The following PTPRQ variants were observed in gnomAD, a reference collection of about 807,000 sequenced individuals.
PTPRQ encodes the protein protein tyrosine phosphatase receptor type Q.
Under a neutral mutation model 246.0 loss-of-function variants are expected in PTPRQ, and 199 were observed. The observed-to-expected ratio is 0.81, with a 90% confidence interval of 0.72 to 0.91. The LOEUF (loss-of-function observed/expected upper bound fraction) is 0.91. Among genes scored for constraint, PTPRQ ranks in the 40% least tolerant of loss-of-function variants. PTPRQ has a pLI of 0.00. For missense variants in PTPRQ, 2,624 were observed against 2,528.4 expected, an observed-to-expected ratio of 1.04 and a Z score of -0.81; for synonymous variants, 869 against 853.2, an observed-to-expected ratio of 1.02 and a Z score of -0.32.
chr12:80,566,314 C>T (rs994790870), intron 25 of PTPRQ, among the ~76,000 whole-genome samples: 11 of 151,912 alleles, frequency 7.2e-5, no homozygotes, highest in African/African-American at 1.9e-4. Context: ...CCCGTCTCTA[C>T]TAAAAATACA....
chr12:80,652,716 T>C, intron 37 of PTPRQ, 28 bp from the exon 38 acceptor site: 2 of 1,479,518 alleles, frequency 1.4e-6, no homozygotes, highest in Admixed American at 2.8e-5. Flanking sequence ...CTGATAAATG[T>C]AAACTTTGTA....
At chr12:80,475,626 A>T (rs1893786266) in intron 8 of PTPRQ, among the ~76,000 whole-genome samples, 1 of 151,992 alleles carries the variant, frequency 6.6e-6, no homozygotes, top group East Asian at 1.9e-4. Context: ...AATGCTGTTG[A>T]CTCCATTTCC....
At chr12:80,648,479 T>C (rs1298624968) in intron 35 of PTPRQ, among the ~76,000 whole-genome samples, 1 of 152,132 alleles carries the variant, frequency 6.6e-6, no homozygotes, top group African/African-American at 2.4e-5. Flanking sequence ...CAATGTGATG[T>C]CATGTTTCAT....
intron 39 of PTPRQ, among the ~76,000 whole-genome samples, chr12:80,659,282 AT>A (rs1177783722): frequency 6.6e-6 from 1 of 152,126 alleles, no homozygotes; most frequent in Non-Finnish European, 1.5e-5. Flanking sequence ...AAATGTAAAC[AT>A]TTTGGTGAAA....
intron 22 of PTPRQ, 69 bp downstream of exon 22, chr12:80,542,433 C>G (rs1246846235): frequency 3.4e-6 from 5 of 1,492,036 alleles, no homozygotes; most frequent in African/African-American, 1.4e-5. Flanking sequence ...TTTTAAGGAA[C>G]AGCATGGAAT....
intron 17 of PTPRQ, among the ~76,000 whole-genome samples, chr12:80,521,156 C>T (rs1239930921): frequency 6.6e-6 from 1 of 152,112 alleles, no homozygotes. Flanking sequence ...GCATAAATGT[C>T]TTCTTTTCAG....
chr12:80,523,392 C>T (rs1360786256), intron 17 of PTPRQ, among the ~76,000 whole-genome samples: 4 of 152,038 alleles, frequency 2.6e-5, no homozygotes, highest in Non-Finnish European at 5.9e-5. Flanking sequence ...TTAGTTATTT[C>T]TTGCTTTCTG....
intron 8 of PTPRQ, among the ~76,000 whole-genome samples, chr12:80,481,802 GGAATCCAACTTACAAGGGATGTGAAGGAC>G: frequency 1.3e-5 from 2 of 151,950 alleles, no homozygotes; most frequent in African/African-American, 4.8e-5. Flanking sequence ...AAAATACCTA[GGAATCCAACTTACAAGGGATGTGAAGGAC>G]GTCTTCAAGG....
chr12:80,453,481 C>T (rs1265401916), intron 3 of PTPRQ, among the ~76,000 whole-genome samples: 1 of 149,750 alleles, frequency 6.7e-6, no homozygotes, highest in Non-Finnish European at 1.5e-5. Context: ...TCTGTTTTTT[C>T]CCCATCTTTG....
chr12:80,566,991 A>T (rs1896998572), intron 25 of PTPRQ, among the ~76,000 whole-genome samples: 1 of 152,234 alleles, frequency 6.6e-6, no homozygotes, highest in African/African-American at 2.4e-5. Context: ...TATCAAAGAA[A>T]TGGTTAACTG....
chr12:80,648,789 C>T (rs868603356), intron 35 of PTPRQ, 108 bp from the exon 36 acceptor site: 1 of 999,546 alleles, frequency 1.0e-6, no homozygotes, highest in Middle Eastern at 2.7e-4. Flanking sequence ...AGGCATAGCA[C>T]ATTTTACATT....
rs1256856879 is a variant in PTPRQ at position 80,588,150 on chromosome 12, T to C, written c.4307T>C (p.Ile1436Thr). ...PETVPSVPTN[I>T]AFSDVQSTSA... is the part of the protein sequence containing the mutation. ...TTAGTTCCCAGTGTTCCCACAAATA[T>C]TGCTTTTTCTGATGTTCAGTCAACT... is the stretch of plus-strand genomic sequence containing the variant. Residue 1436 changes from isoleucine (I) to threonine (T), a missense_variant, in exon 26 of 45, where the codon ATT becomes ACT. Transcript: ENST00000644991. 3 of 1,532,234 alleles carry C rather than the reference T, an allele frequency of 2.0e-6. No homozygotes were observed. Among genetic ancestry groups the C allele is most frequent in the Non-Finnish European group, 1.8e-6 (2 of 1,136,982 alleles). The allele number at this position is 1,532,234 out of a possible 1,614,324, so 94.9% of individuals were successfully genotyped here. A position where few individuals can be genotyped will look rare whatever the true frequency, so the allele number is the denominator to read the frequency against.
rs199966793 is a variant in PTPRQ, at chr12:80,671,411, ACAGTAGCTGTCTT to A, written c.6602+922_6602+934del. The stretch of plus-strand genomic sequence containing the variant: ...CACTGATGATTAAAACCTTTGATGG[ACAGTAGCTGTCTT>A]CAATTTCTCTGTATCATGCAAATAC... On this transcript the variant is annotated intron_variant, in intron 42 of 44. Coordinates refer to ENST00000644991, the MANE Select transcript of PTPRQ (RefSeq NM_001145026.2). 1.1e-4 allele frequency among the ~76,000 whole-genome samples: 16 copies of A among 152,220 alleles called. No homozygotes were observed. In the East Asian group the frequency reaches 2.9e-3, roughly 28 times the overall value.
intron 19 of PTPRQ, among the ~76,000 whole-genome samples, chr12:80,539,302 G>A (rs940634639): frequency 6.6e-6 from 1 of 152,086 alleles, no homozygotes; most frequent in African/African-American, 2.4e-5. Flanking sequence ...CCCACTAAAT[G>A]TGAATAATAA....
rs758886769 is a variant in PTPRQ, at chr12:80,542,901, A to G, written c.3873+20A>G. The stretch of plus-strand genomic sequence containing the variant: ...TATAAGGTAGGTTGATTATAACAGT[A>G]TATGTTTATTTTTAAAAATCAGAAA... On this transcript the variant is annotated intron_variant, in intron 23 of 44. Transcript: ENST00000644991. 1.5e-6 allele frequency: 2 copies of G among 1,333,060 alleles called. No homozygotes were observed. Among genetic ancestry groups the G allele is most frequent in the South Asian group, 3.6e-5 (2 of 55,540 alleles). The allele number at this position is 1,333,060 out of a possible 1,614,324, so 82.6% of individuals were successfully genotyped here. A position where few individuals can be genotyped will look rare whatever the true frequency, so the allele number is the denominator to read the frequency against.
intron 14 of PTPRQ, among the ~76,000 whole-genome samples, chr12:80,500,980 G>A (rs1268236834): frequency 6.6e-6 from 1 of 151,970 alleles, no homozygotes; most frequent in African/African-American, 2.4e-5. Flanking sequence ...TCACTGAGAG[G>A]TTATATTTGC....
intron 42 of PTPRQ, among the ~76,000 whole-genome samples, chr12:80,670,813 G>C (rs975475307): frequency 6.6e-6 from 1 of 151,962 alleles, no homozygotes; most frequent in African/African-American, 2.4e-5. Flanking sequence ...TTAGTGAGGA[G>C]GGAGATGAAA....
At chr12:80,671,628 C>T (rs2121288087) in intron 42 of PTPRQ, among the ~76,000 whole-genome samples, 1 of 152,208 alleles carries the variant, frequency 6.6e-6, no homozygotes, top group Non-Finnish European at 1.5e-5. Context: ...AACTTCTCAC[C>T]TTGACTTTAG....
intron 25 of PTPRQ, among the ~76,000 whole-genome samples, chr12:80,564,519 A>G (rs1172943570): frequency 6.6e-6 from 1 of 152,236 alleles, no homozygotes; most frequent in Non-Finnish European, 1.5e-5. Context: ...CTTTTTATCC[A>G]TCTATTCAAG....
Sources: allele counts gnomAD v4.1 joint callset (sites outside exome capture counted in the v4.1 genomes callset), GRCh38; gene constraint gnomAD v4.1.1; transcripts MANE v1.5; gene names NCBI Gene and HGNC (gene_info 2026-07-23, HGNC 2026-07-21).